The following UNC5D variants were observed in gnomAD, a reference collection of about 807,000 sequenced individuals.
UNC5D encodes unc-5 netrin receptor D, also known as netrin receptor UNC5D.
Under a neutral mutation model 105.4 loss-of-function variants are expected in UNC5D, and 39 were observed. The observed-to-expected ratio is 0.37, with a 90% confidence interval of 0.29 to 0.48. The LOEUF is 0.48. Among genes scored for constraint, UNC5D ranks in the 20% least tolerant of loss-of-function variants. The pLI, the probability that UNC5D is intolerant of heterozygous loss-of-function variation, is 0.98. For synonymous variants in UNC5D, 452 were observed against 450.4 expected (o/e 1.00, Z -0.04); for missense variants, 991 against 1,202.4 (o/e 0.82, Z 2.60).
chr8:35,381,787 A>G (rs1263570503), intron 1 of UNC5D, among the ~76,000 whole-genome samples: 1 of 152,196 alleles, frequency 6.6e-6, no homozygotes, highest in East Asian at 1.9e-4. Context: ...CTTTATCACA[A>G]AGCATATAGT....
chr8:35,462,939 A>G (rs539736201), intron 1 of UNC5D, among the ~76,000 whole-genome samples: 20 of 152,262 alleles, frequency 1.3e-4, no homozygotes, highest in African/African-American at 4.8e-4. Context: ...CACATAGCTA[A>G]AAGTAGATTG....
intron 13 of UNC5D, among the ~76,000 whole-genome samples, chr8:35,754,165 A>G (rs1298088244): frequency 1.3e-5 from 2 of 152,192 alleles, no homozygotes; most frequent in African/African-American, 2.4e-5. Flanking sequence ...AGCTCTCCCA[A>G]CTTCTGTAGC....
intron 4 of UNC5D, among the ~76,000 whole-genome samples, chr8:35,660,482 C>T (rs944509425): frequency 6.6e-6 from 1 of 152,184 alleles, no homozygotes; most frequent in African/African-American, 2.4e-5. Context: ...ATCATTTTCT[C>T]CTGGAGCATT....
intron 2 of UNC5D, among the ~76,000 whole-genome samples, chr8:35,564,402 T>C (rs1477627787): frequency 6.6e-6 from 1 of 152,172 alleles, no homozygotes. Context: ...GAAGTCGCTT[T>C]ACCTCCTCCT....
chr8:35,544,706 G>T (rs1455259613), intron 1 of UNC5D, among the ~76,000 whole-genome samples: 1 of 146,290 alleles, frequency 6.8e-6, no homozygotes, highest in African/African-American at 2.5e-5. Flanking sequence ...GGGTACAAGT[G>T]ATTTTCCAGC....
intron 1 of UNC5D, among the ~76,000 whole-genome samples, chr8:35,423,658 A>T (rs1159679853): frequency 6.6e-6 from 1 of 152,314 alleles, no homozygotes; most frequent in East Asian, 1.9e-4. Context: ...ACAGTTTTTA[A>T]CAAGTGTCAT....
rs1005756353 is a variant in UNC5D at position 35,549,150 on chromosome 8, A to G, written c.104-142A>G. The G allele has an allele frequency of 1.7e-5, 13 of 770,866 alleles. No homozygotes were observed. In the African/African-American group the frequency reaches 2.1e-4, roughly 13 times the overall value. The allele number at this position is 770,866 out of a possible 1,614,324, so 47.8% of individuals were successfully genotyped here. Reference sequence around the variant, plus strand: ...AGCTTCTAGAAGATAATTCATCTACACCAGTTCTACAAGCATGCTTTATTA... The same window carrying G: ...AGCTTCTAGAAGATAATTCATCTACGCCAGTTCTACAAGCATGCTTTATTA... On this transcript the variant is annotated intron_variant, in intron 1 of 16. Transcript: ENST00000404895.
At chr8:35,314,516 G>A (rs1352319138) in intron 1 of UNC5D, among the ~76,000 whole-genome samples, 1 of 152,020 alleles carries the variant, frequency 6.6e-6, no homozygotes, top group Non-Finnish European at 1.5e-5. Context: ...AAAAAGAAAA[G>A]CAATTAGTAG....
chr8:35,638,154 A>T (rs945744254), intron 4 of UNC5D, among the ~76,000 whole-genome samples: 5 of 152,238 alleles, frequency 3.3e-5, no homozygotes, highest in Admixed American at 3.3e-4. Context: ...GTGAAAGAAG[A>T]CATGTCACCT....
At chr8:35,436,957 A>T (rs1288675391) in intron 1 of UNC5D, among the ~76,000 whole-genome samples, 1 of 151,952 alleles carries the variant, frequency 6.6e-6, no homozygotes, top group Admixed American at 6.6e-5. Flanking sequence ...CTTGAATCTT[A>T]TTCAATTTAT....
intron 1 of UNC5D, among the ~76,000 whole-genome samples, chr8:35,471,413 T>G (rs1270958111): frequency 1.3e-5 from 2 of 152,188 alleles, no homozygotes; most frequent in Non-Finnish European, 2.9e-5. Context: ...AGCAATACTT[T>G]AACAAAGCAT....
intron 1 of UNC5D, among the ~76,000 whole-genome samples, chr8:35,456,246 T>A (rs931196142): frequency 6.6e-6 from 1 of 152,152 alleles, no homozygotes; most frequent in Admixed American, 6.6e-5. Flanking sequence ...ATTGTTCTCT[T>A]TTGGCTAGTG....
intron 7 of UNC5D, among the ~76,000 whole-genome samples, chr8:35,689,513 G>T (rs2131366743): frequency 6.6e-6 from 1 of 152,272 alleles, no homozygotes; most frequent in African/African-American, 2.4e-5. Flanking sequence ...ATGAAAATTG[G>T]CTCATGTGAT....
At chr8:35,639,611 A>C (rs1313566592) in intron 4 of UNC5D, among the ~76,000 whole-genome samples, 1 of 152,332 alleles carries the variant, frequency 6.6e-6, no homozygotes, top group Middle Eastern at 3.4e-3. Context: ...CTGAAAGCCA[A>C]TTAATAACTA....
chr8:35,253,260 AT>A (rs61646008), intron 1 of UNC5D, among the ~76,000 whole-genome samples: 11,261 of 152,004 alleles, frequency 0.074, 550 homozygotes, highest in Non-Finnish European at 0.11. Context: ...AGGAGCTACA[AT>A]TTTTAATTTC....
intron 1 of UNC5D, chr8:35,525,398 C>T (rs1024111532): frequency 2.5e-6 from 4 of 1,611,946 alleles, no homozygotes; most frequent in Middle Eastern, 2.2e-4. Context: ...CTTTAATGGT[C>T]TTGTGAATGG....
At chr8:35,533,573 A>T (rs1032450201) in intron 1 of UNC5D, among the ~76,000 whole-genome samples, 3 of 152,202 alleles carry the variant, frequency 2.0e-5, no homozygotes, top group Non-Finnish European at 4.4e-5. Flanking sequence ...GGTGGGCTCC[A>T]CCCAATTCGA....
Position 35,657,108 on chromosome 8 carries a change from A to G in UNC5D, c.571-26439A>G, listed in dbSNP as rs1357815575. 4.9e-4 allele frequency among the ~76,000 whole-genome samples: 56 copies of G among 113,766 alleles called. 1 individual carries two copies. Among genetic ancestry groups the G allele is most frequent in the Admixed American group, 2.4e-3 (28 of 11,582 alleles). 74.6% of individuals were successfully genotyped at this position (113,766 alleles called of 152,430 possible). On this transcript the variant is annotated intron_variant, in intron 4 of 16. Coordinates refer to ENST00000404895, the MANE Select transcript of UNC5D (RefSeq NM_080872.4). ...TATATATATATATATATATATATATATATATATATATATATGCCAGTTGCT... is the reference window on the plus strand; with the variant it reads ...TATATATATATATATATATATATATGTATATATATATATATGCCAGTTGCT...
intron 1 of UNC5D, among the ~76,000 whole-genome samples, chr8:35,284,603 G>A (rs1481067992): frequency 6.6e-6 from 1 of 152,140 alleles, no homozygotes; most frequent in Non-Finnish European, 1.5e-5. Flanking sequence ...CGCCCAGGCT[G>A]CAGTGCAGTG....
Sources: allele counts gnomAD v4.1 joint callset (sites outside exome capture counted in the v4.1 genomes callset), GRCh38; gene constraint gnomAD v4.1.1; transcripts MANE v1.5; gene names NCBI Gene and HGNC (gene_info 2026-07-23, HGNC 2026-07-21).